KCNT2: variants seen among roughly 807,000 people sequenced by gnomAD.
KCNT2 encodes potassium channel subfamily T member 2.
In KCNT2, 67 loss-of-function variants were observed where a neutral mutation model predicts 153.8. That is an observed-to-expected ratio of 0.44 (90% CI 0.36 to 0.53). KCNT2 has a LOEUF of 0.53. Among genes scored for constraint, KCNT2 ranks in the 20% least tolerant of loss-of-function variants. The probability of loss-of-function intolerance (pLI) is 0.00; values close to 1 mark genes in which losing one functional copy is unlikely to be tolerated. For missense variants in KCNT2, 975 were observed against 1,354.8 expected, an observed-to-expected ratio of 0.72 and a Z score of 4.40; for synonymous variants, 500 against 458.8, an observed-to-expected ratio of 1.09 and a Z score of -1.15.
intron 1 of KCNT2, among the ~76,000 whole-genome samples, chr1:196,590,647 A>G (rs1663231110): frequency 6.6e-6 from 1 of 152,072 alleles, no homozygotes; most frequent in African/African-American, 2.4e-5. Context: ...GGGCTCCATC[A>G]CTCACAAAAT....
chr1:196,593,759 C>A (rs1032801692), intron 1 of KCNT2, among the ~76,000 whole-genome samples: 6 of 152,052 alleles, frequency 3.9e-5, no homozygotes, highest in African/African-American at 1.4e-4. Context: ...ATATGACTTT[C>A]TACACATTTA....
At chr1:196,464,367 T>C (rs1677420569) in intron 8 of KCNT2, among the ~76,000 whole-genome samples, 1 of 151,900 alleles carries the variant, frequency 6.6e-6, no homozygotes, top group Non-Finnish European at 1.5e-5. Context: ...ATGATAAAAG[T>C]ATGCAATAAA....
chr1:196,241,379 C>T (rs1014660588), intron 26 of KCNT2, among the ~76,000 whole-genome samples: 2 of 151,918 alleles, frequency 1.3e-5, no homozygotes, highest in African/African-American at 4.8e-5. Flanking sequence ...GCTAGTTTTA[C>T]AGTGCTGACT....
intron 13 of KCNT2, among the ~76,000 whole-genome samples, chr1:196,378,274 C>A (rs1669141720): frequency 6.6e-6 from 1 of 152,142 alleles, no homozygotes; most frequent in Non-Finnish European, 1.5e-5. Flanking sequence ...TTTATTACAA[C>A]TTTCTTCCTC....
rs988343182 is a variant in KCNT2 at position 196,331,630 on chromosome 1, A to G, written c.1998-369T>C. Among the ~76,000 whole-genome samples, 17 of 152,188 alleles carry G rather than the reference A, an allele frequency of 1.1e-4. No individual in the cohort carries two copies. The East Asian group carries it at 1.7e-3, about 16-fold the overall frequency. ...GTATAGGTGTTTTTGTGCTTTGGTA[A>G]CAGAGTTAGTAGTTGCAACAGGGGT... is the stretch of plus-strand genomic sequence containing the variant. On this transcript the variant is annotated intron_variant, in intron 17 of 27. Coordinates refer to ENST00000294725, the MANE Select transcript of KCNT2 (RefSeq NM_198503.5).
At chr1:196,499,030 T>C (rs1233518718) in intron 1 of KCNT2, among the ~76,000 whole-genome samples, 1 of 152,138 alleles carries the variant, frequency 6.6e-6, no homozygotes, top group African/African-American at 2.4e-5. Context: ...ATATGACAGA[T>C]GTCTTTATAA....
chr1:196,255,566 A>G (rs912155137), intron 26 of KCNT2, among the ~76,000 whole-genome samples: 1 of 151,872 alleles, frequency 6.6e-6, no homozygotes, highest in African/African-American at 2.4e-5. Flanking sequence ...CATATAACGC[A>G]TAATGTGTAG....
intron 22 of KCNT2, among the ~76,000 whole-genome samples, chr1:196,297,033 T>C (rs1217161073): frequency 6.6e-6 from 1 of 152,068 alleles, no homozygotes; most frequent in Non-Finnish European, 1.5e-5. Context: ...TCATCCTAGA[T>C]GATACTTTCT....
intron 5 of KCNT2, among the ~76,000 whole-genome samples, chr1:196,470,398 T>C (rs1677986852): frequency 6.6e-6 from 1 of 152,212 alleles, no homozygotes; most frequent in Admixed American, 6.5e-5. Context: ...GAACCAGATA[T>C]AAACCCTAAA....
At chr1:196,246,780 A>T (rs1655486333) in intron 26 of KCNT2, among the ~76,000 whole-genome samples, 1 of 152,156 alleles carries the variant, frequency 6.6e-6, no homozygotes, top group Non-Finnish European at 1.5e-5. Context: ...CAACAGATAC[A>T]TGATAAATAA....
intron 1 of KCNT2, among the ~76,000 whole-genome samples, chr1:196,523,604 C>T (rs1336994403): frequency 6.6e-6 from 1 of 152,122 alleles, no homozygotes; most frequent in Non-Finnish European, 1.5e-5. Flanking sequence ...TGTATTTATT[C>T]TTGTTGAGTC....
intron 8 of KCNT2, among the ~76,000 whole-genome samples, chr1:196,451,620 C>G (rs971188477): frequency 1.3e-5 from 2 of 151,238 alleles, no homozygotes; most frequent in African/African-American, 4.9e-5. Context: ...CTTAAATATA[C>G]TAAAATATAC....
intron 13 of KCNT2, among the ~76,000 whole-genome samples, chr1:196,385,308 C>A (rs1019090183): frequency 2.0e-5 from 3 of 151,972 alleles, no homozygotes; most frequent in African/African-American, 7.3e-5. Context: ...TACAGCATAC[C>A]ACTGTACTGA....
At chr1:196,364,996 A>G (rs1667923501) in intron 14 of KCNT2, among the ~76,000 whole-genome samples, 2 of 152,076 alleles carry the variant, frequency 1.3e-5, no homozygotes, top group African/African-American at 2.4e-5. Flanking sequence ...AAAATATAGC[A>G]TTGGAATTCT....
At chr1:196,598,700 C>A (rs924708026) in intron 1 of KCNT2, among the ~76,000 whole-genome samples, 5 of 152,080 alleles carry the variant, frequency 3.3e-5, no homozygotes, top group African/African-American at 1.2e-4. Flanking sequence ...TTCTAGTTAC[C>A]TCTTACAGGT....
At chr1:196,377,703 T>TG (rs1669092312) in intron 13 of KCNT2, among the ~76,000 whole-genome samples, 1 of 152,050 alleles carries the variant, frequency 6.6e-6, no homozygotes, top group African/African-American at 2.4e-5. Flanking sequence ...ATTGTTTGCT[T>TG]GTGATCAAAA....
At chr1:196,544,120 C>T (rs1420226322) in intron 1 of KCNT2, among the ~76,000 whole-genome samples, 1 of 152,056 alleles carries the variant, frequency 6.6e-6, no homozygotes, top group Non-Finnish European at 1.5e-5. Context: ...CCTAAATATC[C>T]ATGAAAGGTC....
intron 8 of KCNT2, among the ~76,000 whole-genome samples, chr1:196,464,146 ATATTGAAATCCAGAATTTT>A (rs1282232369): frequency 5.3e-5 from 8 of 151,870 alleles, no homozygotes; most frequent in Non-Finnish European, 1.2e-4. Flanking sequence ...TAATGTTATT[ATATTGAAATCCAGAATTTT>A]TAGTGACTTT....
At chr1:196,544,790 G>A (rs1250820871) in intron 1 of KCNT2, among the ~76,000 whole-genome samples, 1 of 152,024 alleles carries the variant, frequency 6.6e-6, no homozygotes, top group African/African-American at 2.4e-5. Flanking sequence ...GCAGCACAAA[G>A]GCACATTGAC....
Sources: allele counts gnomAD v4.1 joint callset (sites outside exome capture counted in the v4.1 genomes callset), GRCh38; gene constraint gnomAD v4.1.1; transcripts MANE v1.5; gene names NCBI Gene and HGNC (gene_info 2026-07-23, HGNC 2026-07-21).